Variants in UNC5A observed in about 807,000 individuals in gnomAD.
UNC5A encodes unc-5 netrin receptor A.
Under a neutral mutation model 87.4 loss-of-function variants are expected in UNC5A, and 20 were observed. The observed-to-expected ratio is 0.23, with a 90% confidence interval of 0.16 to 0.33. The LOEUF is 0.33. Among genes scored for constraint, UNC5A ranks in the 10% least tolerant of loss-of-function variants. The probability of loss-of-function intolerance (pLI) is 1.00; values close to 1 mark genes in which losing one functional copy is unlikely to be tolerated. For synonymous variants in UNC5A, 438 were observed against 482.3 expected, an observed-to-expected ratio of 0.91 and a Z score of 1.20; for missense variants, 844 against 1,133.4, an observed-to-expected ratio of 0.74 and a Z score of 3.67.
intron 1 of UNC5A, among the ~76,000 whole-genome samples, chr5:176,851,178 C>A (rs925630899): frequency 1.3e-5 from 2 of 152,272 alleles, no homozygotes; most frequent in African/African-American, 4.8e-5. Context: ...TGTGCCTCTC[C>A]ATGCCTCAGT....
At chr5:176,831,455 A>T (rs926331410) in intron 1 of UNC5A, among the ~76,000 whole-genome samples, 3 of 152,166 alleles carry the variant, frequency 2.0e-5, no homozygotes, top group East Asian at 3.9e-4. Flanking sequence ...AGGAATGCTC[A>T]AGGCCAGCAC....
chr5:176,837,046 C>T (rs1757163374), intron 1 of UNC5A, among the ~76,000 whole-genome samples: 1 of 152,176 alleles, frequency 6.6e-6, no homozygotes, highest in South Asian at 2.1e-4. Context: ...ACAACTTGTC[C>T]CTGTCTGACG....
Position 176,879,605 on chromosome 5 carries a change from C to T in UNC5A, c.2364-116C>T, listed in dbSNP as rs184901446. 428 of 1,544,532 alleles carry T rather than the reference C, an allele frequency of 2.8e-4. 1 individual carries two copies. In the African/African-American group the frequency reaches 4.7e-3, roughly 17 times the overall value. On this transcript the variant is annotated intron_variant, in intron 14 of 14. Coordinates refer to ENST00000329542, the MANE Select transcript of UNC5A (RefSeq NM_133369.3). ...GGCCTGTGCCGCATCTACTAGTGGC[C>T]GGGGCAGTCATTGTGTTTGGCTTCG...
chr5:176,865,116 C>T lies in UNC5A; in HGVS notation c.292+2271C>T, dbSNP rs778166053. The T allele has an allele frequency of 4.3e-5, 14 of 322,452 alleles. No individual in the cohort carries two copies. Among genetic ancestry groups the T allele is most frequent in the Non-Finnish European group, 6.7e-5 (11 of 163,254 alleles). The allele number at this position is 322,452 out of a possible 1,614,324, so 20.0% of individuals were successfully genotyped here. ...TCACGTGCCCAGTCAGGACCCAGCACGGGGCCTTTCCTTTCTCCCCACCCC... is the reference window on the plus strand; with the variant it reads ...TCACGTGCCCAGTCAGGACCCAGCATGGGGCCTTTCCTTTCTCCCCACCCC... On this transcript the variant is annotated intron_variant, in intron 2 of 14. Transcript: ENST00000329542. The surrounding 1 kb of genome is among the most constrained non-coding windows in gnomAD (Gnocchi z 5.3).
intron 1 of UNC5A, among the ~76,000 whole-genome samples, chr5:176,862,304 C>T (rs913071252): frequency 3.9e-5 from 6 of 152,216 alleles, no homozygotes; most frequent in African/African-American, 1.4e-4. Flanking sequence ...GGGCAGGGGC[C>T]TGCCTGGCCA....
intron 1 of UNC5A, among the ~76,000 whole-genome samples, chr5:176,837,323 C>T (rs1489345962): frequency 6.6e-6 from 1 of 152,184 alleles, no homozygotes; most frequent in African/African-American, 2.4e-5. Flanking sequence ...GCCCATGAGC[C>T]GGTGAGGACA....
chr5:176,811,166 A>G (rs1479871514), intron 1 of UNC5A, among the ~76,000 whole-genome samples: 1 of 152,142 alleles, frequency 6.6e-6, no homozygotes, highest in Non-Finnish European at 1.5e-5. Context: ...TGAGGATTCG[A>G]AGATTAGAGG....
rs377660288 is a variant in UNC5A, at chr5:176,818,354, G to A, written c.70+7534G>A. On this transcript the variant is annotated intron_variant, in intron 1 of 14. Coordinates refer to ENST00000329542, the MANE Select transcript of UNC5A (RefSeq NM_133369.3). ...TCCCGGCTGTCCTCTGCAGGCTGGG[G>A]CTCCACTCCAGCCCCTGACACCCAA... is the stretch of plus-strand genomic sequence containing the variant. Among the ~76,000 whole-genome samples the A allele has an allele frequency of 1.4e-4, 21 of 152,342 alleles. No homozygotes were observed. In the East Asian group the frequency reaches 3.1e-3, roughly 22 times the overall value.
intron 1 of UNC5A, among the ~76,000 whole-genome samples, chr5:176,822,012 C>T (rs545067587): frequency 6.6e-6 from 1 of 152,346 alleles, no homozygotes; most frequent in African/African-American, 2.4e-5. Flanking sequence ...GCTTAAGAGC[C>T]AGGGCTCTGA....
rs1167995048 is a variant in UNC5A, at chr5:176,838,461, T to C, written c.71-24163T>C. ...GATTCTCAGTTAACAATCTTTTGGT[T>C]GCAGTATGAAAGAAAACTCGACTCA... On this transcript the variant is annotated intron_variant, in intron 1 of 14. Transcript: ENST00000329542. The surrounding 1 kb of genome is among the most constrained non-coding windows in gnomAD (Gnocchi z 4.2). 6.6e-6 allele frequency among the ~76,000 whole-genome samples: 1 copy of C among 152,248 alleles called. No individual in the cohort carries two copies. Among genetic ancestry groups the C allele is most frequent in the Non-Finnish European group, 1.5e-5 (1 of 68,040 alleles).
intron 1 of UNC5A, among the ~76,000 whole-genome samples, chr5:176,819,659 G>A (rs1267137044): frequency 6.6e-6 from 1 of 152,178 alleles, no homozygotes; most frequent in African/African-American, 2.4e-5. Context: ...AAATGTCCAA[G>A]TCTTCCATCA....
In UNC5A at chr5:176,874,231, G is replaced by T; in HGVS notation, c.1076-33G>T. On this transcript the variant is annotated intron_variant, in intron 7 of 14. Transcript: ENST00000329542. This position sits in a 1 kb window ranked among gnomAD's most constrained non-coding sequence, Gnocchi z 7.6. Reference sequence around the variant, plus strand: ...GGCTGCTGGGGCAGGGATGCCCTAGGTGCCATTGCCTGAGTCTGTCTTTAT... The same window carrying T: ...GGCTGCTGGGGCAGGGATGCCCTAGTTGCCATTGCCTGAGTCTGTCTTTAT... 1 of 1,587,668 alleles carries T rather than the reference G, an allele frequency of 6.3e-7. No individual in the cohort carries two copies. Among genetic ancestry groups the T allele is most frequent in the Non-Finnish European group, 8.6e-7 (1 of 1,164,826 alleles).
chr5:176,850,727 T>G (rs775431581), intron 1 of UNC5A, among the ~76,000 whole-genome samples: 4 of 152,156 alleles, frequency 2.6e-5, no homozygotes, highest in Non-Finnish European at 5.9e-5. Context: ...GCTGGGTTTG[T>G]CCCTAGGTTA....
Position 176,811,169 on chromosome 5 carries a change from A to G in UNC5A, c.70+349A>G, listed in dbSNP as rs578013506. ...GGAGCCTGACTTTGAGGATTCGAAG[A>G]TTAGAGGGTTTTGAGCCTATCCCAG... is the stretch of plus-strand genomic sequence containing the variant. On this transcript the variant is annotated intron_variant, in intron 1 of 14. Coordinates refer to ENST00000329542, the MANE Select transcript of UNC5A (RefSeq NM_133369.3). 2.0e-4 allele frequency among the ~76,000 whole-genome samples: 31 copies of G among 152,288 alleles called. No homozygotes were observed. The South Asian group carries it at 6.4e-3, about 32-fold the overall frequency.
At chr5:176,853,698 C>T (rs1044942574) in intron 1 of UNC5A, among the ~76,000 whole-genome samples, 1 of 152,226 alleles carries the variant, frequency 6.6e-6, no homozygotes, top group African/African-American at 2.4e-5. Flanking sequence ...CCTCCACATC[C>T]GGCACGCTCC....
rs577735085 is a variant in UNC5A at position 176,815,390 on chromosome 5, C to T, written c.70+4570C>T. The stretch of plus-strand genomic sequence containing the variant: ...TCCTGCCTTCTGGGGAGTCTCACCC[C>T]GTATTCTTGCCAGGTGAAGCAGAAA... On this transcript the variant is annotated intron_variant, in intron 1 of 14. Transcript: ENST00000329542. Among the ~76,000 whole-genome samples the T allele has an allele frequency of 1.2e-4, 18 of 152,306 alleles. 1 individual carries two copies. The South Asian group carries it at 3.5e-3, about 30-fold the overall frequency.
Position 176,844,813 on chromosome 5 carries a change from A to G in UNC5A, c.71-17811A>G, listed in dbSNP as rs1227051911. 3.3e-5 allele frequency among the ~76,000 whole-genome samples: 5 copies of G among 151,966 alleles called. No individual in the cohort carries two copies. Among genetic ancestry groups the G allele is most frequent in the African/African-American group, 1.2e-4 (5 of 41,358 alleles). ...CCGAGACCCCTCTCCACCCTCCAGC[A>G]CTGCTTGCAGTGGATCGTGGAAGTC... is the stretch of plus-strand genomic sequence containing the variant. On this transcript the variant is annotated intron_variant, in intron 1 of 14. Coordinates refer to ENST00000329542, the MANE Select transcript of UNC5A (RefSeq NM_133369.3). This position sits in a 1 kb window ranked among gnomAD's most constrained non-coding sequence, Gnocchi z 4.2.
At chr5:176,839,818 T>TC in intron 1 of UNC5A, among the ~76,000 whole-genome samples, 1 of 144,318 alleles carries the variant, frequency 6.9e-6, no homozygotes, top group African/African-American at 2.6e-5. Flanking sequence ...TTTTTTTTTT[T>TC]TTTTTTTTTT....
In UNC5A at chr5:176,844,052, CAGGAGGCAGGGGACGGGGAGGACG is replaced by C. The variant is rs1757343093; in HGVS notation, c.71-18565_71-18542del. Among the ~76,000 whole-genome samples, 1 of 152,228 alleles carries C rather than the reference CAGGAGGCAGGGGACGGGGAGGACG, an allele frequency of 6.6e-6. No homozygotes were observed. The highest frequency in any genetic ancestry group is 1.5e-5 in the Non-Finnish European group (1 of 68,038). The stretch of plus-strand genomic sequence containing the variant: ...CAGAGGAGAGGATTATTTACAGAGA[CAGGAGGCAGGGGACGGGGAGGACG>C]AGGAGGAGGGGCCCTGAGACATGGA... On this transcript the variant is annotated intron_variant, in intron 1 of 14. Transcript: ENST00000329542. The surrounding 1 kb of genome is among the most constrained non-coding windows in gnomAD (Gnocchi z 4.2).
Sources: allele counts gnomAD v4.1 joint callset (sites outside exome capture counted in the v4.1 genomes callset), GRCh38; gene constraint gnomAD v4.1.1; non-coding constraint Gnocchi (gnomAD v3.1); transcripts MANE v1.5; gene names NCBI Gene and HGNC (gene_info 2026-07-23, HGNC 2026-07-21).